GRIN3B: variants seen among roughly 807,000 people sequenced by gnomAD.
GRIN3B encodes glutamate ionotropic receptor NMDA type subunit 3B.
Under a neutral mutation model 66.0 loss-of-function variants are expected in GRIN3B, and 77 were observed. The ratio of observed to expected loss-of-function variants is 1.17; its 90% CI spans 0.97 to 1.41. The LOEUF is 1.41. Ranked by LOEUF, GRIN3B falls within the 40% of genes most tolerant of loss-of-function variation. The pLI is 0.00. For synonymous variants in GRIN3B, 823 were observed against 749.7 expected (o/e 1.10, Z -1.60); for missense variants, 1,787 against 1,564.5 (o/e 1.14, Z -2.40).
At chr19:1,008,981 C>G (rs1445196606) in intron 8 of GRIN3B, 54 bp downstream of exon 8, 2 of 1,549,076 alleles carry the variant, frequency 1.3e-6, no homozygotes, top group East Asian at 2.4e-5. Flanking sequence ...CCCACCACCC[C>G]ACCAGCTCGC....
Position 1,003,553 on chromosome 19 carries a change from G to A in GRIN3B, c.850G>A (p.Val284Met), listed in dbSNP as rs906909579. Residue 284 changes from valine to methionine, a missense_variant, in exon 2 of 9, where the codon GTG becomes ATG. By Grantham distance (21) the Val-to-Met change is conservative (BLOSUM62 1). Coordinates refer to ENST00000234389, the MANE Select transcript of GRIN3B (RefSeq NM_138690.3). ...ACCAGGGCTGCTGGCGCTGGGCGAGGTGGCACGACCCCCGCTGGAGGCCGC... is the reference window on the plus strand; with the variant it reads ...ACCAGGGCTGCTGGCGCTGGGCGAGATGGCACGACCCCCGCTGGAGGCCGC... ...LPPGLLALGEVARPPLEAAIH... is the reference protein window; with the variant it reads ...LPPGLLALGEMARPPLEAAIH... The A allele has an allele frequency of 6.6e-7, 1 of 1,516,834 alleles. No individual in the cohort carries two copies. The highest frequency in any genetic ancestry group is 8.8e-7 in the Non-Finnish European group (1 of 1,137,870). The allele number at this position is 1,516,834 out of a possible 1,614,324, so 94.0% of individuals were successfully genotyped here. A position where few individuals can be genotyped will look rare whatever the true frequency, so the allele number is the denominator to read the frequency against.
rs1354317125 is a variant in GRIN3B, at chr19:1,005,033, G to A, written c.1532G>A (p.Gly511Asp). ...GDGKYGALRD[G>D]RWTGLVGDLL... is the part of the protein sequence containing the mutation. Reference sequence around the variant, plus strand: ...GGCAAGTACGGCGCCCTGCGGGACGGCCGCTGGACCGGCCTGGTCGGGGAC... The same window carrying A: ...GGCAAGTACGGCGCCCTGCGGGACGACCGCTGGACCGGCCTGGTCGGGGAC... The change falls in exon 3 of 9, where the codon GGC (glycine) becomes GAC (aspartate). Residue 511 changes from glycine (G) to aspartate (D), a missense_variant. Gly to Asp is a moderately conservative substitution (Grantham distance 94). Coordinates refer to ENST00000234389, the MANE Select transcript of GRIN3B (RefSeq NM_138690.3). The surrounding 1 kb of genome is among the most constrained non-coding windows in gnomAD (Gnocchi z 5.2). 2.5e-6 allele frequency: 4 copies of A among 1,611,744 alleles called. No homozygotes were observed. The highest frequency in any genetic ancestry group is 3.4e-6 in the Non-Finnish European group (4 of 1,179,302).
At position 1,003,536 on chromosome 19, in the gene GRIN3B, T is replaced by C; in HGVS notation, c.833T>C (p.Leu278Pro). 1 of 1,525,304 alleles carries C rather than the reference T, an allele frequency of 6.6e-7. No individual in the cohort carries two copies. The highest frequency in any genetic ancestry group is 8.8e-7 in the Non-Finnish European group (1 of 1,141,530). The allele number at this position is 1,525,304 out of a possible 1,614,324, so 94.5% of individuals were successfully genotyped here. A position where few individuals can be genotyped will look rare whatever the true frequency, so the allele number is the denominator to read the frequency against. Reference protein sequence around the residue: ...ALPTAGLPPGLLALGEVARPP... With the variant: ...ALPTAGLPPGPLALGEVARPP... ...CCCACCGCGGGGCTGCCACCAGGGC[T>C]GCTGGCGCTGGGCGAGGTGGCACGA... Residue 278 changes from leucine (L) to proline (P), a missense_variant, in exon 2 of 9, where the codon CTG becomes CCG. By Grantham distance (98) the Leu-to-Pro change is moderately conservative (BLOSUM62 -3). Coordinates refer to ENST00000234389, the MANE Select transcript of GRIN3B (RefSeq NM_138690.3).
Position 1,008,206 on chromosome 19 carries a change from A to G in GRIN3B, c.2381A>G (p.Tyr794Cys). ...TSNLSEFISR[Y>C]KSSGFIDLLH... ...AACCTGTCCGAGTTCATCAGCCGCT[A>G]CAAGTCCTCCGGCTTCATCGACCTG... Residue 794 changes from tyrosine (Y) to cysteine (C), a missense_variant, in exon 6 of 9, where the codon TAC becomes TGC. Physicochemically the swap from Tyr to Cys is radical, Grantham distance 194. Coordinates refer to ENST00000234389, the MANE Select transcript of GRIN3B (RefSeq NM_138690.3). 8.7e-6 allele frequency: 14 copies of G among 1,612,300 alleles called. No individual in the cohort carries two copies. Among genetic ancestry groups the G allele is most frequent in the Non-Finnish European group, 1.2e-5 (14 of 1,179,582 alleles).
Position 1,004,638 on chromosome 19 carries a change from C to G in GRIN3B, c.1137C>G (p.Gly379=), listed in dbSNP as rs373833586. 6.2e-7 allele frequency: 1 copy of G among 1,601,172 alleles called. No homozygotes were observed. Among genetic ancestry groups the G allele is most frequent in the Non-Finnish European group, 8.5e-7 (1 of 1,174,360 alleles). ...KVWSLRRDPR[G]APAWATVGSW... ...GGAGCCTTCGCCGGGACCCACGGGG[C>G]GCCCCGGCCTGGGCCACGGTGGGCA... The change falls in exon 3 of 9, where the codon GGC becomes GGG. Residue 379 remains glycine (G), a synonymous_variant. Transcript: ENST00000234389.
Position 1,000,702 on chromosome 19 carries a change from C to G in GRIN3B, c.265C>G (p.Arg89Gly), listed in dbSNP as rs1036547423. 2.1e-6 allele frequency: 3 copies of G among 1,403,454 alleles called. No individual in the cohort carries two copies. The East Asian group carries it at 9.4e-5, about 44-fold the overall frequency. The allele number at this position is 1,403,454 out of a possible 1,614,324, so 86.9% of individuals were successfully genotyped here. A position where few individuals can be genotyped will look rare whatever the true frequency, so the allele number is the denominator to read the frequency against. Residue 89 changes from arginine to glycine, a missense_variant, in exon 1 of 9, where the codon CGC (arginine) becomes GGC (glycine). Arg to Gly is a moderately radical substitution (Grantham distance 125). Transcript: ENST00000234389. ...CGCCCGCGACCCCGCCTCGCTGACC[C>G]GCGGCCTGTGCCAGGCGCTGGTGCC... ...PPARDPASLT[R>G]GLCQALVPPG...
rs1485387356 is a variant in GRIN3B, at chr19:1,003,612, G to A, written c.909G>A (p.Ala303=). The A allele has an allele frequency of 3.1e-5, 45 of 1,448,254 alleles. No homozygotes were observed. The highest frequency in any genetic ancestry group is 3.7e-5 in the Non-Finnish European group (41 of 1,105,146). 89.7% of individuals were successfully genotyped at this position (1,448,254 alleles called of 1,614,324 possible). Reference sequence around the variant, plus strand: ...ACATTGTGCAACTGGTGGCCCGGGCGCTGGGCAGTGCGGCCCAGGTGCAGC... The same window carrying A: ...ACATTGTGCAACTGGTGGCCCGGGCACTGGGCAGTGCGGCCCAGGTGCAGC... ...IHDIVQLVAR[A]LGSAAQVQPK... Residue 303 remains alanine, a synonymous_variant, in exon 2 of 9, where the codon GCG becomes GCA. Transcript: ENST00000234389.
At position 1,008,282 on chromosome 19, in the gene GRIN3B, G is replaced by A. The variant is rs747617785; in HGVS notation, c.2457G>A (p.Ala819=). 6.3e-6 allele frequency: 10 copies of A among 1,576,454 alleles called. No individual in the cohort carries two copies. The highest frequency in any genetic ancestry group is 3.4e-5 in the Admixed American group (2 of 58,490). Residue 819 remains alanine, a synonymous_variant, in exon 6 of 9, where the codon GCG becomes GCA. Transcript: ENST00000234389. Reference sequence around the variant, plus strand: ...TGCCTTGCGGCAAGCGGGTCTTTGCGGTTACAGAGGTGGGGCAGGGCCTGG... The same window carrying A: ...TGCCTTGCGGCAAGCGGGTCTTTGCAGTTACAGAGGTGGGGCAGGGCCTGG... The part of the protein sequence containing the change: ...KMVPCGKRVF[A]VTETLQMSIY...
In GRIN3B at chr19:1,000,841, C is replaced by G. The variant is rs1394907131; in HGVS notation, c.404C>G (p.Ala135Gly). The G allele has an allele frequency of 3.5e-6, 5 of 1,427,692 alleles. No individual in the cohort carries two copies. Among genetic ancestry groups the G allele is most frequent in the Non-Finnish European group, 4.6e-6 (5 of 1,096,228 alleles). 88.4% of individuals were successfully genotyped at this position (1,427,692 alleles called of 1,614,324 possible). Residue 135 changes from alanine (A) to glycine (G), a missense_variant, in exon 1 of 9, where the codon GCG (alanine) becomes GGG (glycine). Ala to Gly is a moderately conservative substitution (Grantham distance 60, BLOSUM62 0). Transcript: ENST00000234389. ...TPVLSLLRRE[A>G]RAPLGAPNPF... ...GTGCTCAGCCTGCTGCGGCGGGAGG[C>G]GCGCGCGCCCCTCGGAGCCCCGGTA...
In GRIN3B at chr19:1,000,459, T is replaced by G. The variant is rs1599453666; in HGVS notation, c.22T>G (p.Trp8Gly). The G allele has an allele frequency of 1.7e-6, 2 of 1,209,356 alleles. No homozygotes were observed. The highest frequency in any genetic ancestry group is 2.1e-6 in the Non-Finnish European group (2 of 972,304). The allele number at this position is 1,209,356 out of a possible 1,614,324, so 74.9% of individuals were successfully genotyped here. Reference protein sequence around the residue: MEFVRALWLGLALALGPG... With the variant: MEFVRALGLGLALALGPG... ...TGCGATGGAGTTTGTGCGGGCGCTG[T>G]GGCTGGGCCTGGCGCTGGCGCTGGG... is the stretch of plus-strand genomic sequence containing the variant. Residue 8 changes from tryptophan to glycine, a missense_variant, in exon 1 of 9, where the codon TGG becomes GGG. Transcript: ENST00000234389.
Position 1,003,147 on chromosome 19 carries a change from G to C in GRIN3B, c.444G>C (p.Gln148His), listed in dbSNP as rs867202767. The change falls in exon 2 of 9, where the codon CAG (glutamine) becomes CAC (histidine). Residue 148 changes from glutamine (Q) to histidine (H), a missense_variant. Coordinates refer to ENST00000234389, the MANE Select transcript of GRIN3B (RefSeq NM_138690.3). ...TCTCCCAGAACCCATTCCACCTGCA[G>C]CTGCACTGGGCCAGCCCCCTGGAGA... ...PLGAPNPFHL[Q>H]LHWASPLETL... The C allele has an allele frequency of 2.1e-6, 3 of 1,458,360 alleles. No individual in the cohort carries two copies. Among genetic ancestry groups the C allele is most frequent in the Non-Finnish European group, 2.7e-6 (3 of 1,107,794 alleles). 90.3% of individuals were successfully genotyped at this position (1,458,360 alleles called of 1,614,324 possible).
At chr19:1,002,990 C>G (rs1022526416) in intron 1 of GRIN3B, 140 bp from the exon 2 acceptor site, 1 of 562,648 alleles carries the variant, frequency 1.8e-6, no homozygotes, top group Non-Finnish European at 3.1e-6. Flanking sequence ...GGGTTTAGAG[C>G]AGGGCTGGGG....
At chr19:1,006,269 C>T (rs543508019) in intron 3 of GRIN3B, among the ~76,000 whole-genome samples, 1 of 152,252 alleles carries the variant, frequency 6.6e-6, no homozygotes, top group Admixed American at 6.5e-5. Flanking sequence ...CTGCCTCAGC[C>T]TCCCAAGTAG....
chr19:1,007,520 C>G lies in GRIN3B; in HGVS notation c.2053-108C>G. The G allele has an allele frequency of 6.3e-6, 8 of 1,266,928 alleles. No homozygotes were observed. Among genetic ancestry groups the G allele is most frequent in the Non-Finnish European group, 8.1e-6 (8 of 985,750 alleles). 78.5% of individuals were successfully genotyped at this position (1,266,928 alleles called of 1,614,324 possible). On this transcript the variant is annotated intron_variant, in intron 3 of 8. Transcript: ENST00000234389. This position sits in a 1 kb window ranked among gnomAD's most constrained non-coding sequence, Gnocchi z 4.4. ...TGGGTGGAGGCCAGGAATGCAGCCT[C>G]GGCGCCCTGCAGTGCCCAGGACGGC...
rs142667043 is a variant in GRIN3B at position 1,008,727 on chromosome 19, C to T, written c.2576C>T (p.Ala859Val). The change falls in exon 7 of 9, where the codon GCG becomes GTG. Residue 859 changes from alanine to valine, a missense_variant. Coordinates refer to ENST00000234389, the MANE Select transcript of GRIN3B (RefSeq NM_138690.3). ...GGCGAGCACGCCTTCTTCCGCCTGGCGCTGCCGCGCATCCGCAAGGGGAGC... is the reference window on the plus strand; with the variant it reads ...GGCGAGCACGCCTTCTTCCGCCTGGTGCTGCCGCGCATCCGCAAGGGGAGC... ...SLGEHAFFRL[A>V]LPRIRKGSRL... is the part of the protein sequence containing the mutation. The T allele has an allele frequency of 6.2e-7, 1 of 1,608,348 alleles. No homozygotes were observed. The highest frequency in any genetic ancestry group is 8.5e-7 in the Non-Finnish European group (1 of 1,178,666).
rs2038811661 is a variant in GRIN3B at position 1,009,316 on chromosome 19, A to C, written c.2846A>C (p.Asp949Ala). Residue 949 changes from aspartate to alanine, a missense_variant, in exon 9 of 9, where the codon GAC becomes GCC. Physicochemically the swap from Asp to Ala is moderately radical, Grantham distance 126 (BLOSUM62 -2). Transcript: ENST00000234389. ...GCCGTGGTTGTGGCACCCGAAGCGG[A>C]CGCGGAGGCGGAGGCTGCGCCGCGA... ...EPAVVVAPEADAEAEAAPREG... is the reference protein window; with the variant it reads ...EPAVVVAPEAAAEAEAAPREG... 2.8e-6 allele frequency: 4 copies of C among 1,405,616 alleles called. No individual in the cohort carries two copies. The East Asian group carries it at 1.2e-4, about 42-fold the overall frequency. The allele number at this position is 1,405,616 out of a possible 1,614,324, so 87.1% of individuals were successfully genotyped here. A position where few individuals can be genotyped will look rare whatever the true frequency, so the allele number is the denominator to read the frequency against.
At chr19:1,008,065 G>T in intron 5 of GRIN3B, 75 bp from the exon 6 acceptor site, 1 of 1,567,028 alleles carries the variant, frequency 6.4e-7, no homozygotes, top group Non-Finnish European at 8.7e-7. Context: ...GGGAAGGGGC[G>T]AAATCCCACG....
rs1373234672 is a variant in GRIN3B, at chr19:1,009,699, A to C, written c.*97A>C. ...TCTATATACAAACACAATTTTGTAC[A>C]CTGCAATTAAATAGAATGGAATGAG... On this transcript the variant is annotated 3_prime_UTR_variant, in exon 9 of 9. Coordinates refer to ENST00000234389, the MANE Select transcript of GRIN3B (RefSeq NM_138690.3). The C allele has an allele frequency of 9.8e-7, 1 of 1,025,046 alleles. No individual in the cohort carries two copies. Among genetic ancestry groups the C allele is most frequent in the Non-Finnish European group, 1.3e-6 (1 of 768,452 alleles). The allele number at this position is 1,025,046 out of a possible 1,614,324, so 63.5% of individuals were successfully genotyped here.
Position 1,008,075 on chromosome 19 carries a change from G to T in GRIN3B, c.2315-65G>T, listed in dbSNP as rs1321375302. On this transcript the variant is annotated intron_variant, in intron 5 of 8. Coordinates refer to ENST00000234389, the MANE Select transcript of GRIN3B (RefSeq NM_138690.3). ...GAGGTGGGAAGGGGCGAAATCCCAC[G>T]TGTGCGGGCAGAGTTCCCCTGGGGC... is the stretch of plus-strand genomic sequence containing the variant. The T allele has an allele frequency of 3.8e-6, 6 of 1,564,542 alleles. No homozygotes were observed. In the Admixed American group the frequency reaches 9.4e-5, roughly 24 times the overall value.
Sources: gnomAD v4.1 joint callset for allele counts (sites outside exome capture counted in the v4.1 genomes callset) on GRCh38, gnomAD v4.1.1 for gene constraint, Gnocchi (gnomAD v3.1) non-coding constraint, MANE v1.5 for transcripts, NCBI Gene and HGNC (gene_info 2026-07-23, HGNC 2026-07-21) for gene names.